The following TAOK1 variants were observed in gnomAD, a reference collection of about 807,000 sequenced individuals.
TAOK1 encodes serine/threonine-protein kinase TAO1.
In TAOK1, 21 loss-of-function variants were observed where a neutral mutation model predicts 138.3. The ratio of observed to expected loss-of-function variants is 0.15; its 90% CI spans 0.11 to 0.22. TAOK1 has a LOEUF of 0.22. Among genes scored for constraint, TAOK1 ranks in the 10% least tolerant of loss-of-function variants. The pLI is 1.00. For missense variants in TAOK1, 651 were observed against 1,227.7 expected, an observed-to-expected ratio of 0.53 and a Z score of 7.02; for synonymous variants, 361 against 398.4, an observed-to-expected ratio of 0.91 and a Z score of 1.12.
intron 3 of TAOK1, among the ~76,000 whole-genome samples, chr17:29,467,910 G>A (rs978059039): frequency 1.3e-5 from 2 of 150,444 alleles, no homozygotes; most frequent in Admixed American, 6.6e-5. Context: ...TGCAACCTTC[G>A]CCACCTCTCA....
chr17:29,531,341 C>T (rs564991607), intron 18 of TAOK1, among the ~76,000 whole-genome samples: 2 of 151,836 alleles, frequency 1.3e-5, no homozygotes, highest in East Asian at 3.9e-4. Flanking sequence ...TGCAGTAGTG[C>T]GATCTCAACT....
At position 29,477,656 on chromosome 17, in the gene TAOK1, T is replaced by C. The variant is rs773753094; in HGVS notation, c.307-5T>C. On this transcript the variant is annotated splice_polypyrimidine_tract_variant and splice_region_variant and intron_variant, in intron 4 of 19. Transcript: ENST00000261716. ...TTTTAATGCTTTTATAACTTTTCCA[T>C]GTAGCTTGTAATGGAATATTGTTTA... is the stretch of plus-strand genomic sequence containing the variant. The C allele has an allele frequency of 2.0e-5, 27 of 1,371,108 alleles. No individual in the cohort carries two copies. The highest frequency in any genetic ancestry group is 2.6e-5 in the Admixed American group (1 of 39,140). The allele number at this position is 1,371,108 out of a possible 1,614,324, so 84.9% of individuals were successfully genotyped here.
intron 1 of TAOK1, among the ~76,000 whole-genome samples, chr17:29,421,911 C>A (rs1905455538): frequency 6.6e-6 from 1 of 151,916 alleles, no homozygotes; most frequent in Non-Finnish European, 1.5e-5. Flanking sequence ...CTCTATTTAT[C>A]CTTTTTTTTT....
intron 19 of TAOK1, among the ~76,000 whole-genome samples, chr17:29,534,785 A>G (rs2032193246): frequency 6.6e-6 from 1 of 152,234 alleles, no homozygotes; most frequent in Admixed American, 6.5e-5. Context: ...ACAGAAGGTA[A>G]AATTAGTTCC....
intron 7 of TAOK1, among the ~76,000 whole-genome samples, chr17:29,481,374 A>G (rs1405735802): frequency 2.0e-5 from 3 of 151,736 alleles, no homozygotes; most frequent in Non-Finnish European, 2.9e-5. Context: ...TTGTATTTTT[A>G]GTAGAGATGG....
intron 2 of TAOK1, among the ~76,000 whole-genome samples, chr17:29,452,284 A>G (rs1398578413): frequency 1.3e-5 from 2 of 152,194 alleles, no homozygotes; most frequent in Admixed American, 1.3e-4. Context: ...AATTTGCTTT[A>G]ACTTATGTGT....
chr17:29,477,047 G>A (rs969476968), intron 4 of TAOK1, among the ~76,000 whole-genome samples: 2 of 151,986 alleles, frequency 1.3e-5, no homozygotes, highest in African/African-American at 2.4e-5. Flanking sequence ...GGGTTTCACC[G>A]TGTGTGCCAG....
chr17:29,480,643 C>T (rs1461211540), intron 7 of TAOK1, among the ~76,000 whole-genome samples, 162 bp downstream of exon 7: 1 of 151,960 alleles, frequency 6.6e-6, no homozygotes, highest in Non-Finnish European at 1.5e-5. Flanking sequence ...CCGAGGCAGA[C>T]AGATCACTTG....
At chr17:29,472,606 TC>T (rs2030849028) in intron 3 of TAOK1, among the ~76,000 whole-genome samples, 1 of 142,154 alleles carries the variant, frequency 7.0e-6, no homozygotes, top group African/African-American at 2.7e-5. Context: ...GGAGTTTCGC[TC>T]TTGTTGCCCA....
chr17:29,441,528 C>T (rs2029939612), intron 1 of TAOK1, among the ~76,000 whole-genome samples: 3 of 152,098 alleles, frequency 2.0e-5, no homozygotes, highest in African/African-American at 7.2e-5. Flanking sequence ...AGGAATTTGA[C>T]CATTTCATCT....
chr17:29,471,710 A>G (rs1040024591), intron 3 of TAOK1, among the ~76,000 whole-genome samples: 9 of 152,276 alleles, frequency 5.9e-5, no homozygotes, highest in Non-Finnish European at 1.3e-4. Context: ...GCTGAAGGTT[A>G]AGGTGGCTGT....
rs138231366 is a variant in TAOK1, at chr17:29,517,557, T to C, written c.1809T>C (p.Leu603=). 28 of 1,613,912 alleles carry C rather than the reference T, an allele frequency of 1.7e-5. No homozygotes were observed. The highest frequency in any genetic ancestry group is 2.3e-5 in the Non-Finnish European group (27 of 1,180,016). Reference sequence around the variant, plus strand: ...TCCAAGCAGAAGAAGAAGCTAACCTTCTTCGACGTCAAAGACAATACCTAG... The same window carrying C: ...TCCAAGCAGAAGAAGAAGCTAACCTCCTTCGACGTCAAAGACAATACCTAG... ...QHFQAEEEAN[L]LRRQRQYLEL... is the part of the protein sequence containing the mutation. Residue 603 remains leucine (L), a synonymous_variant, in exon 16 of 20, where the codon CTT becomes CTC. Transcript: ENST00000261716.
At chr17:29,407,382 C>T (rs1905023202) in intron 1 of TAOK1, among the ~76,000 whole-genome samples, 1 of 152,196 alleles carries the variant, frequency 6.6e-6, no homozygotes, top group African/African-American at 2.4e-5. Flanking sequence ...CTGTCTCCCT[C>T]TCTTCCTGCT....
chr17:29,525,682 A>G lies in TAOK1; in HGVS notation c.2148+3163A>G, dbSNP rs370936176. Among the ~76,000 whole-genome samples, 5 of 151,982 alleles carry G rather than the reference A, an allele frequency of 3.3e-5. No homozygotes were observed. The South Asian group carries it at 1.1e-3, about 32-fold the overall frequency. On this transcript the variant is annotated intron_variant, in intron 17 of 19. Coordinates refer to ENST00000261716, the MANE Select transcript of TAOK1 (RefSeq NM_020791.4). ...ACTGCTAGGATTACAGGCGTGAGCCACCGCGCCCAGCCCAGCACAATGCTT... is the reference window on the plus strand; with the variant it reads ...ACTGCTAGGATTACAGGCGTGAGCCGCCGCGCCCAGCCCAGCACAATGCTT...
At chr17:29,416,894 A>G (rs953611678) in intron 1 of TAOK1, among the ~76,000 whole-genome samples, 3 of 152,284 alleles carry the variant, frequency 2.0e-5, no homozygotes, top group East Asian at 1.9e-4. Flanking sequence ...AGTTTTTATC[A>G]TATTTTCCCA....
rs551772258 is a variant in TAOK1 at position 29,472,473 on chromosome 17, G to A, written c.205-3197G>A. ...TTGCCATGTTGGCCAGGCTGGTCTC[G>A]AACTCCTGACCTCAGGTGATCCACC... On this transcript the variant is annotated intron_variant, in intron 3 of 19. Coordinates refer to ENST00000261716, the MANE Select transcript of TAOK1 (RefSeq NM_020791.4). Among the ~76,000 whole-genome samples the A allele has an allele frequency of 9.9e-5, 15 of 151,846 alleles. No homozygotes were observed. In the South Asian group the frequency reaches 2.7e-3, roughly 27 times the overall value.
intron 1 of TAOK1, among the ~76,000 whole-genome samples, chr17:29,441,669 AG>A (rs1461977081): frequency 6.6e-6 from 1 of 152,178 alleles, no homozygotes; most frequent in African/African-American, 2.4e-5. Context: ...TGGGAGGCTA[AG>A]GCAGGTGGAT....
At chr17:29,436,011 T>C (rs1177706183) in intron 1 of TAOK1, among the ~76,000 whole-genome samples, 2 of 152,106 alleles carry the variant, frequency 1.3e-5, no homozygotes, top group Admixed American at 6.6e-5. Context: ...GTGCCTGTAA[T>C]CCCAGCTACT....
intron 1 of TAOK1, among the ~76,000 whole-genome samples, chr17:29,397,751 A>G (rs1371941898): frequency 8.2e-6 from 1 of 122,506 alleles, no homozygotes; most frequent in East Asian, 2.2e-4. Context: ...GTATATATAC[A>G]CGTATGTATA....
Sources: gnomAD v4.1 joint callset for allele counts (sites outside exome capture counted in the v4.1 genomes callset) on GRCh38, gnomAD v4.1.1 for gene constraint, MANE v1.5 for transcripts, NCBI Gene and HGNC (gene_info 2026-07-23, HGNC 2026-07-21) for gene names.